BAZ1B: variants seen among roughly 807,000 people sequenced by gnomAD.
BAZ1B encodes bromodomain adjacent to zinc finger domain 1B, also known as tyrosine-protein kinase BAZ1B.
In BAZ1B, 22 loss-of-function variants were observed where a neutral mutation model predicts 153.8. That is an observed-to-expected ratio of 0.14 (90% CI 0.10 to 0.20). The LOEUF (loss-of-function observed/expected upper bound fraction) is 0.20, where lower values mean the gene tolerates loss of function less well. BAZ1B is among the 10% of genes least tolerant of loss of function. The probability of loss-of-function intolerance (pLI) is 1.00; values close to 1 mark genes in which losing one functional copy is unlikely to be tolerated. For missense variants in BAZ1B, 1,325 were observed against 1,799.3 expected (o/e 0.74, Z 4.77); for synonymous variants, 676 against 633.4 (o/e 1.07, Z -1.01).
chr7:73,463,037 C>T lies in BAZ1B; in HGVS notation c.3134G>A (p.Cys1045Tyr). The T allele has an allele frequency of 6.2e-7, 1 of 1,614,062 alleles. No homozygotes were observed. Among genetic ancestry groups the T allele is most frequent in the African/African-American group, 1.3e-5 (1 of 75,014 alleles). The change falls in exon 12 of 20, where the codon TGT becomes TAT. Residue 1045 changes from cysteine to tyrosine, a missense_variant. Coordinates refer to ENST00000339594, the MANE Select transcript of BAZ1B (RefSeq NM_032408.4). ...ARKPNLGLKS[C>Y]DGNQELLNFL... ...GTTTAAAAGCTCCTGGTTGCCATCA[C>T]AAGATTTTAGACCCAAATTTGGCTT...
chr7:73,489,069 T>G, intron 6 of BAZ1B, 125 bp downstream of exon 6: 1 of 998,950 alleles, frequency 1.0e-6, no homozygotes, highest in Non-Finnish European at 1.4e-6. Context: ...CAGATATACC[T>G]GAAAAATTTT....
chr7:73,470,372 G>A lies in BAZ1B; in HGVS notation c.2705C>T (p.Pro902Leu). 6.2e-7 allele frequency: 1 copy of A among 1,614,050 alleles called. No individual in the cohort carries two copies. Among genetic ancestry groups the A allele is most frequent in the East Asian group, 2.2e-5 (1 of 44,868 alleles). ...AKAKLVMRRT[P>L]IGTDRNHNRY... ...ATTATGGTTTCGATCTGTGCCAATA[G>A]GAGTCCTGCGCATGACTAGTTTGGC... is the stretch of plus-strand genomic sequence containing the variant. The change falls in exon 8 of 20, where the codon CCT becomes CTT. Residue 902 changes from proline (P) to leucine (L), a missense_variant. By Grantham distance (98) the Pro-to-Leu change is moderately conservative. Around this residue, in one of 9 missense-constraint regions of BAZ1B, gnomAD observed 431 missense variants for 563.5 expected, o/e 0.76. Transcript: ENST00000339594.
intron 5 of BAZ1B, among the ~76,000 whole-genome samples, chr7:73,491,933 C>T (rs1789661833): frequency 1.3e-5 from 2 of 151,654 alleles, no homozygotes; most frequent in African/African-American, 4.9e-5. Context: ...GTAGGAATAC[C>T]TGAAAAGTAA....
At chr7:73,474,406 A>G (rs1554572489) in intron 7 of BAZ1B, among the ~76,000 whole-genome samples, 2 of 152,238 alleles carry the variant, frequency 1.3e-5, no homozygotes, top group Non-Finnish European at 1.5e-5. Context: ...TCTATAAGTA[A>G]CAAAAGAATA....
At chr7:73,505,493 A>G (rs1381120653) in intron 3 of BAZ1B, among the ~76,000 whole-genome samples, 1 of 152,228 alleles carries the variant, frequency 6.6e-6, no homozygotes, top group Non-Finnish European at 1.5e-5. Context: ...ACCTCATGTA[A>G]CAGCATCACT....
chr7:73,462,788 T>C (rs1788438618), intron 12 of BAZ1B, 134 bp downstream of exon 12: 2 of 997,538 alleles, frequency 2.0e-6, no homozygotes, highest in Non-Finnish European at 3.0e-6. Flanking sequence ...TTTGGTTCCA[T>C]ACATGTCTTC....
chr7:73,443,342 AAAGAG>A (rs1181161371), intron 17 of BAZ1B, among the ~76,000 whole-genome samples: 4 of 151,792 alleles, frequency 2.6e-5, no homozygotes, highest in Admixed American at 6.6e-5. Context: ...TTAAGTGGCT[AAAGAG>A]AAAAGGGGCG....
At chr7:73,492,777 TA>T (rs1563390719) in intron 5 of BAZ1B, 22 bp downstream of exon 5, 2 of 1,576,410 alleles carry the variant, frequency 1.3e-6, no homozygotes, top group East Asian at 4.5e-5. Flanking sequence ...CTATCACATG[TA>T]AAAAGTAAAG....
At chr7:73,502,360 T>C (rs1405726867) in intron 3 of BAZ1B, among the ~76,000 whole-genome samples, 1 of 151,516 alleles carries the variant, frequency 6.6e-6, no homozygotes, top group East Asian at 2.0e-4. Flanking sequence ...ATATCTACTT[T>C]TTTTTTTATC....
intron 9 of BAZ1B, among the ~76,000 whole-genome samples, chr7:73,469,145 AAAG>A (rs1401052815): frequency 1.3e-4 from 20 of 151,828 alleles, no homozygotes; most frequent in South Asian, 2.1e-4. Context: ...AAAAAAAAAA[AAAG>A]AAGAAGAAGA....
rs1554570618 is a variant in BAZ1B, at chr7:73,463,004, CG to C, written c.3166del (p.Arg1056ValfsTer32). The C allele has an allele frequency of 6.2e-7, 1 of 1,613,898 alleles. No individual in the cohort carries two copies. Among genetic ancestry groups the C allele is most frequent in the Admixed American group, 1.7e-5 (1 of 59,996 alleles). On this transcript the variant is annotated frameshift_variant, in exon 12 of 20. Transcript: ENST00000339594. LOFTEE classifies it high-confidence loss of function. ...TGTTGCAACTTCAATGAGATCACTA[CG>C]AAGGAAGTTTAAAAGCTCCTGGTTG... ...DGNQELLNFL[R>X]SDLIEVATRL...
intron 3 of BAZ1B, among the ~76,000 whole-genome samples, chr7:73,501,070 A>T (rs1425859597): frequency 2.6e-5 from 4 of 152,038 alleles, no homozygotes; most frequent in Admixed American, 2.6e-4. Flanking sequence ...CAGCCTGACC[A>T]ACATGGAGAA....
At position 73,442,763 on chromosome 7, in the gene BAZ1B, G is replaced by A; in HGVS notation, c.4056C>T (p.Leu1352=). The change falls in exon 18 of 20, where the codon CTC becomes CTT. Residue 1352 remains leucine (L), a synonymous_variant. Transcript: ENST00000339594. ...TGAAGCGGTACTTCACGATCTTGTG[G>A]AGGATCTCTTCACACTTCTGCAGCT... ...SLELQKCEEI[L]HKIVKYRFSW... is the part of the protein sequence containing the mutation. 1 of 1,614,226 alleles carries A rather than the reference G, an allele frequency of 6.2e-7. No homozygotes were observed. Among genetic ancestry groups the A allele is most frequent in the Non-Finnish European group, 8.5e-7 (1 of 1,180,030 alleles).
chr7:73,477,450 A>C lies in BAZ1B; in HGVS notation c.2011T>G (p.Tyr671Asp). 1 of 1,614,216 alleles carries C rather than the reference A, an allele frequency of 6.2e-7. No homozygotes were observed. Among genetic ancestry groups the C allele is most frequent in the Non-Finnish European group, 8.5e-7 (1 of 1,180,042 alleles). Residue 671 changes from tyrosine to aspartate, a missense_variant, in exon 7 of 20, where the codon TAT becomes GAT. Tyr to Asp is a radical substitution (Grantham distance 160). This residue lies in a region of BAZ1B where 154 missense variants were observed against 266.3 expected (regional missense o/e 0.58). Coordinates refer to ENST00000339594, the MANE Select transcript of BAZ1B (RefSeq NM_032408.4). The surrounding 1 kb of genome is among the most constrained non-coding windows in gnomAD (Gnocchi z 5.6). Reference protein sequence around the residue: ...TLLQDEIAEDYGELGMKLSEI... With the variant: ...TLLQDEIAEDDGELGMKLSEI... ...GACAGCTTCATTCCCAATTCACCATAGTCTTCTGCTATCTCATCTTGTAGG... is the reference window on the plus strand; with the variant it reads ...GACAGCTTCATTCCCAATTCACCATCGTCTTCTGCTATCTCATCTTGTAGG...
intron 15 of BAZ1B, among the ~76,000 whole-genome samples, chr7:73,448,397 C>T (rs1331179144): frequency 6.6e-6 from 1 of 152,194 alleles, no homozygotes; most frequent in African/African-American, 2.4e-5. Flanking sequence ...TTGGCAAGTA[C>T]AAGGTGTCTC....
intron 12 of BAZ1B, among the ~76,000 whole-genome samples, chr7:73,461,909 G>A (rs1788409329): frequency 6.6e-6 from 1 of 152,224 alleles, no homozygotes; most frequent in South Asian, 2.1e-4. Context: ...GGGCAACATA[G>A]TGAGATTTTG....
chr7:73,518,713 C>T (rs964934530), intron 1 of BAZ1B, among the ~76,000 whole-genome samples: 20 of 152,186 alleles, frequency 1.3e-4, no homozygotes, highest in Non-Finnish European at 1.2e-4. Flanking sequence ...GATTCCATCT[C>T]TTAAAACAAA....
intron 2 of BAZ1B, 48 bp from the exon 3 acceptor site, chr7:73,508,519 A>G (rs1169020551): frequency 6.5e-7 from 1 of 1,543,220 alleles, no homozygotes; most frequent in Non-Finnish European, 8.8e-7. Flanking sequence ...ACACCTACCC[A>G]GAGATTTAAT....
intron 4 of BAZ1B, among the ~76,000 whole-genome samples, chr7:73,497,085 C>CAAAAAAAAAAAAAAA: frequency 1.9e-5 from 2 of 106,408 alleles, no homozygotes; most frequent in Middle Eastern, 9.0e-3. Context: ...AAAAAAAAAC[C>CAAAAAAAAAAAAAAA]TACAAAAATT....
Sources: gnomAD v4.1 joint callset for allele counts (sites outside exome capture counted in the v4.1 genomes callset) on GRCh38, gnomAD v4.1.1 for gene constraint, gnomAD v4.1.1 regional missense constraint, Gnocchi (gnomAD v3.1) non-coding constraint, MANE v1.5 for transcripts, NCBI Gene and HGNC (gene_info 2026-07-23, HGNC 2026-07-21) for gene names.